Variants in GRID2 observed in about 807,000 individuals in gnomAD.
GRID2 encodes the protein glutamate ionotropic receptor delta type subunit 2, also known as glutamate receptor ionotropic, delta-2.
Under a neutral mutation model 114.8 loss-of-function variants are expected in GRID2, and 33 were observed. That is an observed-to-expected ratio of 0.29 (90% CI 0.22 to 0.38). GRID2 has a LOEUF of 0.38. Ranked by LOEUF, GRID2 falls within the 10% of genes least tolerant of loss-of-function variation. The pLI, the probability that GRID2 is intolerant of heterozygous loss-of-function variation, is 1.00. For missense variants in GRID2, 1,184 were observed against 1,257.7 expected, an observed-to-expected ratio of 0.94 and a Z score of 0.89; for synonymous variants, 505 against 449.9, an observed-to-expected ratio of 1.12 and a Z score of -1.55.
intron 14 of GRID2, among the ~76,000 whole-genome samples, chr4:93,744,888 TG>T (rs1480605184): frequency 1.3e-5 from 2 of 152,200 alleles, no homozygotes; most frequent in Admixed American, 1.3e-4. Context: ...ACCACCCTGC[TG>T]ATCAGTTACC....
intron 1 of GRID2, among the ~76,000 whole-genome samples, chr4:92,578,094 T>C (rs187994091): frequency 5.5e-5 from 6 of 108,354 alleles, no homozygotes; most frequent in Admixed American, 1.8e-4. Context: ...TTCTTCTTCT[T>C]CTTCTTCTTC....
intron 7 of GRID2, among the ~76,000 whole-genome samples, chr4:93,226,706 A>AAGTCCAAACCCACATTTT (rs1171359834): frequency 6.6e-6 from 1 of 152,114 alleles, no homozygotes; most frequent in East Asian, 1.9e-4. Context: ...TCTTTGTGGC[A>AAGTCCAAACCCACATTTT]AGTCCAAACC....
At chr4:93,191,013 ATT>A (rs1445862118) in intron 4 of GRID2, among the ~76,000 whole-genome samples, 1 of 152,058 alleles carries the variant, frequency 6.6e-6, no homozygotes, top group Non-Finnish European at 1.5e-5. Context: ...TATCTCAGAA[ATT>A]TTATTAGTTC....
chr4:92,976,394 G>A (rs1255427886), intron 2 of GRID2, among the ~76,000 whole-genome samples: 1 of 152,054 alleles, frequency 6.6e-6, no homozygotes, highest in Non-Finnish European at 1.5e-5. Context: ...GTGAGATACA[G>A]AGACAGATAC....
intron 8 of GRID2, among the ~76,000 whole-genome samples, chr4:93,361,053 G>A (rs1761836564): frequency 6.6e-6 from 1 of 151,548 alleles, no homozygotes; most frequent in Admixed American, 6.6e-5. Context: ...TGCTATACTG[G>A]CTTCTTTTTT....
At chr4:93,694,645 T>C (rs1316381626) in intron 14 of GRID2, among the ~76,000 whole-genome samples, 1 of 152,178 alleles carries the variant, frequency 6.6e-6, no homozygotes, top group African/African-American at 2.4e-5. Flanking sequence ...CTAAAGTTCA[T>C]GGTTGTATTA....
At chr4:93,194,040 C>A (rs2149450681) in intron 4 of GRID2, among the ~76,000 whole-genome samples, 1 of 152,266 alleles carries the variant, frequency 6.6e-6, no homozygotes, top group East Asian at 1.9e-4. Flanking sequence ...TTAGTTGAAG[C>A]AAGCTTTGAC....
intron 1 of GRID2, among the ~76,000 whole-genome samples, chr4:92,502,010 G>A (rs993334596): frequency 6.6e-6 from 1 of 151,786 alleles, no homozygotes; most frequent in Non-Finnish European, 1.5e-5. Flanking sequence ...TCCTTTATAT[G>A]ACTTCTAAGC....
intron 2 of GRID2, among the ~76,000 whole-genome samples, chr4:92,929,400 T>C (rs992332497): frequency 7.3e-5 from 11 of 151,366 alleles, no homozygotes; most frequent in Non-Finnish European, 4.4e-5. Flanking sequence ...TTATTTCTTC[T>C]TTAAAAGATA....
intron 11 of GRID2, among the ~76,000 whole-genome samples, chr4:93,478,316 T>G (rs903799226): frequency 6.6e-6 from 1 of 152,098 alleles, no homozygotes; most frequent in African/African-American, 2.4e-5. Flanking sequence ...AATTTGATTT[T>G]AATTTTTAAT....
intron 14 of GRID2, among the ~76,000 whole-genome samples, chr4:93,743,922 T>A (rs530154244): frequency 4.9e-4 from 75 of 152,286 alleles, no homozygotes; most frequent in African/African-American, 1.7e-3. Context: ...ACAGCCTATC[T>A]TGTTAAGGCT....
chr4:92,807,802 T>C (rs1740488797), intron 2 of GRID2, among the ~76,000 whole-genome samples: 1 of 151,968 alleles, frequency 6.6e-6, no homozygotes, highest in Non-Finnish European at 1.5e-5. Context: ...TACCCACATG[T>C]TTATGTGTGT....
intron 2 of GRID2, among the ~76,000 whole-genome samples, chr4:92,850,809 A>G (rs1743721881): frequency 6.6e-6 from 1 of 151,948 alleles, no homozygotes; most frequent in South Asian, 2.1e-4. Context: ...CTTCCTTCAG[A>G]TGATTGGGAT....
chr4:93,010,883 T>C (rs931488028), intron 2 of GRID2, among the ~76,000 whole-genome samples: 8 of 152,146 alleles, frequency 5.3e-5, no homozygotes, highest in Admixed American at 6.5e-5. Flanking sequence ...CATTTCCTTC[T>C]TCAATGGCAC....
At chr4:93,670,079 G>A (rs1724277674) in intron 14 of GRID2, among the ~76,000 whole-genome samples, 1 of 152,134 alleles carries the variant, frequency 6.6e-6, no homozygotes, top group South Asian at 2.1e-4. Flanking sequence ...TCTACACATA[G>A]ATACTAGTAA....
intron 2 of GRID2, among the ~76,000 whole-genome samples, chr4:92,951,905 T>C (rs1197807184): frequency 1.3e-5 from 2 of 152,224 alleles, no homozygotes; most frequent in Non-Finnish European, 2.9e-5. Flanking sequence ...ATTCTTTTTA[T>C]GGCTGTGTAT....
intron 1 of GRID2, among the ~76,000 whole-genome samples, chr4:92,463,796 A>G (rs1178256646): frequency 6.6e-6 from 1 of 151,952 alleles, no homozygotes; most frequent in Non-Finnish European, 1.5e-5. Flanking sequence ...TTAACTCCCA[A>G]TTGCCTATAT....
intron 1 of GRID2, among the ~76,000 whole-genome samples, chr4:92,581,646 G>A (rs1002932977): frequency 3.3e-5 from 5 of 152,078 alleles, no homozygotes; most frequent in African/African-American, 1.2e-4. Flanking sequence ...ATGAGCAAAT[G>A]TCACATTCAA....
intron 1 of GRID2, among the ~76,000 whole-genome samples, chr4:92,335,408 A>C (rs1727113298): frequency 6.6e-6 from 1 of 152,264 alleles, no homozygotes; most frequent in South Asian, 2.1e-4. Context: ...GCTGCAAAGC[A>C]CTGAGAGATT....
Sources: allele counts gnomAD v4.1 joint callset (sites outside exome capture counted in the v4.1 genomes callset), GRCh38; gene constraint gnomAD v4.1.1; transcripts MANE v1.5; gene names NCBI Gene and HGNC (gene_info 2026-07-23, HGNC 2026-07-21).